RORA: variants seen among roughly 807,000 people sequenced by gnomAD.
The protein encoded by RORA is nuclear receptor ROR-alpha.
Under a neutral mutation model 69.5 loss-of-function variants are expected in RORA, and 7 were observed. That is an observed-to-expected ratio of 0.10 (90% CI 0.06 to 0.19). RORA has a LOEUF of 0.19. Ranked by LOEUF, RORA falls within the 10% of genes least tolerant of loss-of-function variation. The probability of loss-of-function intolerance (pLI) is 1.00; values close to 1 mark genes in which losing one functional copy is unlikely to be tolerated. For synonymous variants in RORA, 261 were observed against 240.8 expected (o/e 1.08, Z -0.78); for missense variants, 457 against 663.0 (o/e 0.69, Z 3.41).
At chr15:61,076,190 G>A (rs530879141) in intron 1 of RORA, among the ~76,000 whole-genome samples, 19 of 152,272 alleles carry the variant, frequency 1.2e-4, no homozygotes, top group African/African-American at 1.9e-4. Flanking sequence ...AGCAGAGGTC[G>A]CAGGGCCTGA....
At chr15:61,161,675 T>C (rs2079497174) in intron 1 of RORA, among the ~76,000 whole-genome samples, 1 of 152,112 alleles carries the variant, frequency 6.6e-6, no homozygotes, top group Non-Finnish European at 1.5e-5. Flanking sequence ...AGTTCTTATC[T>C]AGTATTTGAA....
At position 60,531,700 on chromosome 15, in the gene RORA, C is replaced by T; in HGVS notation, c.282+66G>A. 1 of 826,990 alleles carries T rather than the reference C, an allele frequency of 1.2e-6. No individual in the cohort carries two copies. Among genetic ancestry groups the T allele is most frequent in the Non-Finnish European group, 1.9e-6 (1 of 514,800 alleles). The allele number at this position is 826,990 out of a possible 1,614,324, so 51.2% of individuals were successfully genotyped here. A position where few individuals can be genotyped will look rare whatever the true frequency, so the allele number is the denominator to read the frequency against. On this transcript the variant is annotated intron_variant, in intron 3 of 10. Transcript: ENST00000335670. The surrounding 1 kb of genome is among the most constrained non-coding windows in gnomAD (Gnocchi z 4.8). ...TTGAATTTTAAGACATAAGTGGAGACATACAAATCACAAAGATATATTCTA... is the reference window on the plus strand; with the variant it reads ...TTGAATTTTAAGACATAAGTGGAGATATACAAATCACAAAGATATATTCTA...
At chr15:60,674,211 T>A (rs914539501) in intron 2 of RORA, among the ~76,000 whole-genome samples, 3 of 152,204 alleles carry the variant, frequency 2.0e-5, no homozygotes, top group Non-Finnish European at 2.9e-5. Flanking sequence ...TTCCTGAGTT[T>A]TCCTGGACTG....
chr15:60,594,724 C>T (rs1248252516), intron 2 of RORA, among the ~76,000 whole-genome samples: 1 of 152,212 alleles, frequency 6.6e-6, no homozygotes, highest in African/African-American at 2.4e-5. Context: ...TAAGTAGAAT[C>T]ATTCATTCTA....
intron 1 of RORA, among the ~76,000 whole-genome samples, chr15:60,694,979 A>C (rs1179457353): frequency 6.6e-6 from 1 of 152,178 alleles, no homozygotes; most frequent in African/African-American, 2.4e-5. Flanking sequence ...ATGAAATCTC[A>C]GGCTTGCCAT....
chr15:61,067,807 C>G (rs2078286166), intron 1 of RORA, among the ~76,000 whole-genome samples: 1 of 152,220 alleles, frequency 6.6e-6, no homozygotes, highest in South Asian at 2.1e-4. Flanking sequence ...CCCATCCATT[C>G]TCAGCTTCCT....
At chr15:61,025,799 T>C (rs1006543747) in intron 1 of RORA, among the ~76,000 whole-genome samples, 1 of 152,210 alleles carries the variant, frequency 6.6e-6, no homozygotes, top group Non-Finnish European at 1.5e-5. Context: ...CACTACCTTT[T>C]ACCAAATGAG....
At chr15:61,121,308 G>T (rs73432706) in intron 1 of RORA, among the ~76,000 whole-genome samples, 1,787 of 152,292 alleles carry the variant, frequency 0.012, 29 homozygotes, top group African/African-American at 0.04. Context: ...TGTCTGCAGT[G>T]GAGGGATGCA....
chr15:60,593,672 T>A (rs1457642161), intron 2 of RORA, among the ~76,000 whole-genome samples: 1 of 152,194 alleles, frequency 6.6e-6, no homozygotes, highest in Non-Finnish European at 1.5e-5. Context: ...CAGAAAAAAA[T>A]TCTGAAAAGC....
At chr15:60,771,326 T>C (rs1223919725) in intron 1 of RORA, among the ~76,000 whole-genome samples, 1 of 152,232 alleles carries the variant, frequency 6.6e-6, no homozygotes, top group Admixed American at 6.5e-5. Flanking sequence ...TCTCTTGGTC[T>C]TTTTAGACCA....
intron 1 of RORA, among the ~76,000 whole-genome samples, chr15:60,910,302 G>A (rs1327948916): frequency 6.6e-6 from 1 of 152,202 alleles, no homozygotes; most frequent in Non-Finnish European, 1.5e-5. Flanking sequence ...AACTAACCCA[G>A]AATCTTAAAA....
intron 1 of RORA, among the ~76,000 whole-genome samples, chr15:61,134,516 A>T (rs1477650852): frequency 2.6e-5 from 4 of 152,218 alleles, no homozygotes; most frequent in Admixed American, 2.0e-4. Context: ...GGAACAGAGG[A>T]GGCACTCAAT....
intron 1 of RORA, among the ~76,000 whole-genome samples, chr15:60,712,824 T>C (rs556322013): frequency 3.3e-5 from 5 of 152,202 alleles, no homozygotes; most frequent in Non-Finnish European, 5.9e-5. Flanking sequence ...ATTCACATTG[T>C]TGTTCAGTTG....
chr15:61,180,290 T>C (rs1374071921), intron 1 of RORA, among the ~76,000 whole-genome samples: 1 of 152,168 alleles, frequency 6.6e-6, no homozygotes, highest in Non-Finnish European at 1.5e-5. Flanking sequence ...AATGGCTTCA[T>C]TTATCCATCC....
intron 5 of RORA, among the ~76,000 whole-genome samples, chr15:60,506,533 GA>G (rs540540745): frequency 6.6e-6 from 1 of 152,060 alleles, no homozygotes; most frequent in Non-Finnish European, 1.5e-5. Context: ...AGAAGAGAAA[GA>G]AAAAAGTAAT....
chr15:60,779,560 G>C (rs2072224519), intron 1 of RORA, among the ~76,000 whole-genome samples: 1 of 152,164 alleles, frequency 6.6e-6, no homozygotes, highest in Non-Finnish European at 1.5e-5. Context: ...AATGCTGTTT[G>C]GCACAAGTAA....
chr15:61,039,815 C>A (rs782965), intron 1 of RORA, among the ~76,000 whole-genome samples: 128,554 of 149,544 alleles, frequency 0.86, 55,493 homozygotes, highest in East Asian at 1. Flanking sequence ...GGGAACTTAC[C>A]AAATCTGTTA....
intron 2 of RORA, among the ~76,000 whole-genome samples, chr15:60,580,235 GATTA>G (rs962536452): frequency 6.6e-6 from 1 of 152,268 alleles, no homozygotes; most frequent in Non-Finnish European, 1.5e-5. Flanking sequence ...TAGATCTGGT[GATTA>G]ATTAAGAGCT....
chr15:61,026,460 G>T (rs561313097), intron 1 of RORA, among the ~76,000 whole-genome samples: 4 of 152,092 alleles, frequency 2.6e-5, no homozygotes, highest in Non-Finnish European at 5.9e-5. Context: ...TTAAACTTTC[G>T]GTATTTGGGT....
Sources: allele counts gnomAD v4.1 joint callset (sites outside exome capture counted in the v4.1 genomes callset), GRCh38; gene constraint gnomAD v4.1.1; non-coding constraint Gnocchi (gnomAD v3.1); transcripts MANE v1.5; gene names NCBI Gene and HGNC (gene_info 2026-07-23, HGNC 2026-07-21).